MARK1: variants seen among roughly 807,000 people sequenced by gnomAD.
MARK1 encodes the protein microtubule affinity regulating kinase 1.
In MARK1, 40 loss-of-function variants were observed where a neutral mutation model predicts 96.3. The observed-to-expected ratio is 0.42, with a 90% CI of 0.32 to 0.54. The LOEUF (loss-of-function observed/expected upper bound fraction) is 0.54, where lower values mean the gene tolerates loss of function less well. MARK1 is among the 20% of genes least tolerant of loss of function. The pLI, the probability that MARK1 is intolerant of heterozygous loss-of-function variation, is 0.16. For synonymous variants in MARK1, 317 were observed against 341.2 expected, an observed-to-expected ratio of 0.93 and a Z score of 0.78; for missense variants, 719 against 984.6, an observed-to-expected ratio of 0.73 and a Z score of 3.61.
intron 3 of MARK1, among the ~76,000 whole-genome samples, chr1:220,592,163 G>T (rs1372534370): frequency 6.6e-6 from 1 of 150,578 alleles, no homozygotes; most frequent in African/African-American, 2.4e-5. Context: ...CCTATGACTT[G>T]CTTCTAACCA....
At chr1:220,606,661 C>G (rs1666098624) in intron 6 of MARK1, among the ~76,000 whole-genome samples, 1 of 152,080 alleles carries the variant, frequency 6.6e-6, no homozygotes, top group African/African-American at 2.4e-5. Context: ...GGTTTTAGGT[C>G]TAGCATTTAA....
At chr1:220,635,551 G>C (rs765155976) in intron 12 of MARK1, 22 bp downstream of exon 12, 20 of 1,599,702 alleles carry the variant, frequency 1.3e-5, no homozygotes, top group Non-Finnish European at 1.6e-5. Flanking sequence ...AGTCACATAA[G>C]TGAAGCAACA....
chr1:220,643,793 A>G (rs988999143), intron 13 of MARK1, among the ~76,000 whole-genome samples: 2 of 152,234 alleles, frequency 1.3e-5, no homozygotes, highest in African/African-American at 4.8e-5. Flanking sequence ...GAAAATTTCC[A>G]ACCCAGAATT....
At chr1:220,598,280 G>A (rs1333256578) in intron 3 of MARK1, 51 bp from the exon 4 acceptor site, 1 of 516,226 alleles carries the variant, frequency 1.9e-6, no homozygotes, top group East Asian at 5.5e-5. Context: ...TTGGCTCTCT[G>A]CTTGCTTGTT....
At chr1:220,560,574 G>A (rs1260982703) in intron 1 of MARK1, among the ~76,000 whole-genome samples, 5 of 152,120 alleles carry the variant, frequency 3.3e-5, no homozygotes, top group Admixed American at 2.6e-4. Flanking sequence ...CTGTGATGCC[G>A]AGACAGCCTA....
At chr1:220,616,883 A>T (rs1181797287) in intron 7 of MARK1, among the ~76,000 whole-genome samples, 2 of 152,288 alleles carry the variant, frequency 1.3e-5, no homozygotes, top group East Asian at 3.9e-4. Context: ...CATTTCTTAT[A>T]TGAAAAAAAT....
chr1:220,528,985 G>A (rs1203221088), intron 1 of MARK1, 112 bp downstream of exon 1: 2 of 1,061,202 alleles, frequency 1.9e-6, no homozygotes, highest in African/African-American at 3.3e-5. Flanking sequence ...CCCGCGGCAG[G>A]GTCTCCACCT....
At chr1:220,551,006 T>C in intron 1 of MARK1, among the ~76,000 whole-genome samples, 1 of 152,112 alleles carries the variant, frequency 6.6e-6, no homozygotes, top group Non-Finnish European at 1.5e-5. Context: ...GGGCCAGCAG[T>C]CAGGAGGGAA....
At position 220,528,803 on chromosome 1, in the gene MARK1, G is replaced by T. The variant is rs747475198; in HGVS notation, c.-20G>T. 8.4e-6 allele frequency: 13 copies of T among 1,548,924 alleles called. No homozygotes were observed. The African/African-American group carries it at 1.4e-4, about 16-fold the overall frequency. On this transcript the variant is annotated 5_prime_UTR_variant, in exon 1 of 18. Coordinates refer to ENST00000366917, the MANE Select transcript of MARK1 (RefSeq NM_018650.5). ...AGCCCGGCCGGCGAGACCCCGGCCA[G>T]ACCCCGCTGCCCGCACAAAATGTCG... is the stretch of plus-strand genomic sequence containing the variant.
chr1:220,571,055 C>T (rs867684231), intron 1 of MARK1, among the ~76,000 whole-genome samples: 9 of 151,940 alleles, frequency 5.9e-5, no homozygotes, highest in African/African-American at 9.7e-5. Flanking sequence ...AAATAAGCTC[C>T]GATATATCAA....
rs74139800 is a variant in MARK1, at chr1:220,654,632, G to A, written c.1988+1280G>A. 8.1e-3 allele frequency among the ~76,000 whole-genome samples: 1,233 copies of A among 152,282 alleles called. 18 individuals carry two copies. The highest frequency in any genetic ancestry group is 0.029 in the African/African-American group (1,192 of 41,564). On this transcript the variant is annotated intron_variant, in intron 16 of 17. Coordinates refer to ENST00000366917, the MANE Select transcript of MARK1 (RefSeq NM_018650.5). This position sits in a 1 kb window ranked among gnomAD's most constrained non-coding sequence, Gnocchi z 4.0. ...TGGAAGTTAGATCATAGTGTTAGCC[G>A]GCCATCTGCAGGGTACTAGTCAGAT... is the stretch of plus-strand genomic sequence containing the variant.
chr1:220,544,669 C>T (rs1320894125), intron 1 of MARK1, among the ~76,000 whole-genome samples: 2 of 152,148 alleles, frequency 1.3e-5, no homozygotes, highest in African/African-American at 2.4e-5. Flanking sequence ...CTGAATCTTT[C>T]TCCTGAGAAA....
At chr1:220,605,465 A>AT (rs929429704) in intron 6 of MARK1, among the ~76,000 whole-genome samples, 8 of 151,244 alleles carry the variant, frequency 5.3e-5, no homozygotes, top group African/African-American at 1.5e-4. Flanking sequence ...TACACACATC[A>AT]TTTTTTTAAA....
chr1:220,581,567 A>T (rs1301275707), intron 3 of MARK1, among the ~76,000 whole-genome samples: 1 of 152,200 alleles, frequency 6.6e-6, no homozygotes, highest in African/African-American at 2.4e-5. Context: ...GTTTTCAGAT[A>T]AAGTCCAGAG....
At chr1:220,586,013 G>GCA (rs1553323006) in intron 3 of MARK1, among the ~76,000 whole-genome samples, 20 of 53,058 alleles carry the variant, frequency 3.8e-4, no homozygotes, top group East Asian at 2.1e-3. Context: ...ACACACACAC[G>GCA]CGCGCGTGCG....
intron 1 of MARK1, among the ~76,000 whole-genome samples, chr1:220,554,821 T>A (rs1214409129): frequency 6.6e-6 from 1 of 152,150 alleles, no homozygotes; most frequent in Non-Finnish European, 1.5e-5. Flanking sequence ...GCCAAATAGG[T>A]GAGCTGAGTG....
At chr1:220,550,145 C>G (rs113409448) in intron 1 of MARK1, among the ~76,000 whole-genome samples, 81 of 152,314 alleles carry the variant, frequency 5.3e-4, no homozygotes, top group Middle Eastern at 6.8e-3. Context: ...TGGAATCTCT[C>G]TCTTGAGACT....
At chr1:220,638,240 T>C (rs146551638) in intron 13 of MARK1, among the ~76,000 whole-genome samples, 4 of 152,240 alleles carry the variant, frequency 2.6e-5, no homozygotes, top group African/African-American at 4.8e-5. Flanking sequence ...AATATTAACC[T>C]GTCATTTGAC....
chr1:220,567,842 A>G (rs960299750), intron 1 of MARK1, among the ~76,000 whole-genome samples: 1 of 152,314 alleles, frequency 6.6e-6, no homozygotes, highest in Non-Finnish European at 1.5e-5. Flanking sequence ...ACTATTTGAT[A>G]CTAAGTCTGT....
Sources: gnomAD v4.1 joint callset for allele counts (sites outside exome capture counted in the v4.1 genomes callset) on GRCh38, gnomAD v4.1.1 for gene constraint, Gnocchi (gnomAD v3.1) non-coding constraint, MANE v1.5 for transcripts, NCBI Gene and HGNC (gene_info 2026-07-23, HGNC 2026-07-21) for gene names.